The following DLG1 variants were observed in gnomAD, a reference collection of about 807,000 sequenced individuals.
DLG1 encodes disks large homolog 1.
Under a neutral mutation model 123.4 loss-of-function variants are expected in DLG1, and 42 were observed. The observed-to-expected ratio is 0.34, with a 90% CI of 0.27 to 0.44. The LOEUF (loss-of-function observed/expected upper bound fraction) is 0.44. Among genes scored for constraint, DLG1 ranks in the 20% least tolerant of loss-of-function variants. The probability of loss-of-function intolerance (pLI) is 1.00; values close to 1 mark genes in which losing one functional copy is unlikely to be tolerated. For synonymous variants in DLG1, 317 were observed against 356.2 expected (o/e 0.89, Z 1.24); for missense variants, 942 against 1,082.6 (o/e 0.87, Z 1.82).
upstream of DLG1, chr3:197,299,215 C>T: frequency 6.6e-6 from 1 of 152,356 alleles, no homozygotes; most frequent in Non-Finnish European, 1.5e-5. Context: ...CCCACGTCTT[C>T]GAACTTCCTC....
chr3:197,254,190 G>A (rs1327274760), intron 4 of DLG1, among the ~76,000 whole-genome samples: 1 of 152,184 alleles, frequency 6.6e-6, no homozygotes, highest in Non-Finnish European at 1.5e-5. Flanking sequence ...ACATTAGATC[G>A]CCTTCATGGG....
chr3:197,254,197 T>C (rs1413988023), intron 4 of DLG1, among the ~76,000 whole-genome samples: 1 of 152,246 alleles, frequency 6.6e-6, no homozygotes, highest in South Asian at 2.1e-4. Context: ...ATCGCCTTCA[T>C]GGGGCATTTA....
intron 9 of DLG1, 90 bp downstream of exon 9, chr3:197,138,132 T>G: frequency 1.4e-6 from 1 of 700,828 alleles, no homozygotes; most frequent in Non-Finnish European, 2.1e-6. Flanking sequence ...ACTAATACTG[T>G]ACTTGGAATG....
At chr3:197,149,626 T>C (rs1337737393) in intron 6 of DLG1, 117 bp downstream of exon 6, 7 of 756,172 alleles carry the variant, frequency 9.3e-6, no homozygotes, top group Admixed American at 6.1e-5. Context: ...TATATAGTGA[T>C]AGAACATCTT....
intron 10 of DLG1, among the ~76,000 whole-genome samples, chr3:197,132,498 CAG>C (rs1389887413): frequency 6.6e-6 from 1 of 152,194 alleles, no homozygotes; most frequent in Non-Finnish European, 1.5e-5. Context: ...CATTGCTTTG[CAG>C]AGTCTCAGCA....
intron 5 of DLG1, among the ~76,000 whole-genome samples, chr3:197,160,298 T>A (rs1411841595): frequency 6.6e-6 from 1 of 151,730 alleles, no homozygotes; most frequent in African/African-American, 2.4e-5. Flanking sequence ...TCTCAAAGGA[T>A]TCCAGAAAAC....
intron 4 of DLG1, among the ~76,000 whole-genome samples, chr3:197,255,176 TCCCC>T: frequency 6.6e-6 from 1 of 152,190 alleles, no homozygotes; most frequent in East Asian, 1.9e-4. Flanking sequence ...GTCACATGCC[TCCCC>T]CACACATCTC....
intron 13 of DLG1, among the ~76,000 whole-genome samples, chr3:197,108,244 T>C (rs138580431): frequency 6.6e-6 from 1 of 152,320 alleles, no homozygotes; most frequent in East Asian, 1.9e-4. Flanking sequence ...TCATATGGGA[T>C]ATTGGTTTGT....
At chr3:197,244,591 T>C (rs75934130) in intron 4 of DLG1, among the ~76,000 whole-genome samples, 6,411 of 152,084 alleles carry the variant, frequency 0.042, 184 homozygotes, top group Non-Finnish European at 0.056. Context: ...ATAAGAGGGT[T>C]AAGCTTTTTT....
At chr3:197,249,349 A>T in intron 4 of DLG1, among the ~76,000 whole-genome samples, 1 of 151,768 alleles carries the variant, frequency 6.6e-6, no homozygotes. Context: ...TTGAACCATG[A>T]AGAAAGAAAA....
chr3:197,170,744 C>T (rs141324884), intron 5 of DLG1, among the ~76,000 whole-genome samples: 15 of 152,230 alleles, frequency 9.9e-5, no homozygotes, highest in African/African-American at 3.4e-4. Context: ...TAATTAGATC[C>T]CACTTGTCAA....
intron 4 of DLG1, among the ~76,000 whole-genome samples, chr3:197,267,179 G>A (rs987142477): frequency 2.6e-5 from 4 of 152,122 alleles, no homozygotes; most frequent in African/African-American, 7.2e-5. Context: ...ATTCACTACA[G>A]TTTCTCCATG....
chr3:197,285,648 TA>T (rs1410389051), intron 3 of DLG1, among the ~76,000 whole-genome samples: 1 of 152,096 alleles, frequency 6.6e-6, no homozygotes, highest in Non-Finnish European at 1.5e-5. Context: ...AGTGAGCATA[TA>T]TCAAATATCA....
chr3:197,044,763 T>C (rs1436114230), intron 24 of DLG1, 34 bp from the exon 25 acceptor site: 3 of 1,339,582 alleles, frequency 2.2e-6, no homozygotes, highest in Admixed American at 4.4e-5. Context: ...GAAATCTCCA[T>C]TAATTGTCTA....
At chr3:197,165,972 T>C (rs1801194052) in intron 5 of DLG1, among the ~76,000 whole-genome samples, 1 of 152,190 alleles carries the variant, frequency 6.6e-6, no homozygotes, top group African/African-American at 2.4e-5. Flanking sequence ...GGAAAGTGCA[T>C]GTTGCTGAAG....
In DLG1 at chr3:197,190,799, A is replaced by G. The variant is rs1010540044; in HGVS notation, c.483+3626T>C. On this transcript the variant is annotated intron_variant, in intron 5 of 24. Coordinates refer to ENST00000667157, the MANE Select transcript of DLG1 (RefSeq NM_001366207.1). Reference sequence around the variant, plus strand: ...GCCGAGGCGGGCGGATCACGAGGTCAGGAGATCGAGACCATCCTGGCTAAC... The same window carrying G: ...GCCGAGGCGGGCGGATCACGAGGTCGGGAGATCGAGACCATCCTGGCTAAC... 2.6e-5 allele frequency among the ~76,000 whole-genome samples: 4 copies of G among 152,326 alleles called. No individual in the cohort carries two copies. The South Asian group carries it at 6.2e-4, about 24-fold the overall frequency.
chr3:197,247,321 G>A (rs1752215126), intron 4 of DLG1, among the ~76,000 whole-genome samples: 1 of 152,168 alleles, frequency 6.6e-6, no homozygotes, highest in South Asian at 2.1e-4. Flanking sequence ...ACATGGGGGA[G>A]GAACTGAGTG....
chr3:197,199,623 T>A (rs1724551960), intron 4 of DLG1, among the ~76,000 whole-genome samples: 1 of 152,114 alleles, frequency 6.6e-6, no homozygotes, highest in Non-Finnish European at 1.5e-5. Flanking sequence ...AAACCTTGGG[T>A]TCATTACAAT....
chr3:197,138,262 T>G lies in DLG1; in HGVS notation c.843A>C (p.Ser281=). ...RLYVKRRKPV[S]EKIMEIKLIK... ...TGAGCTTTATTTCCATTATTTTTTC[T>G]GACACTGGTTTCCTTCTTTTTACAT... Residue 281 remains serine (S), a synonymous_variant, in exon 9 of 25, where the codon TCA becomes TCC. Coordinates refer to ENST00000667157, the MANE Select transcript of DLG1 (RefSeq NM_001366207.1). 2.5e-6 allele frequency: 4 copies of G among 1,603,940 alleles called. No homozygotes were observed. The highest frequency in any genetic ancestry group is 3.4e-6 in the Non-Finnish European group (4 of 1,173,346).
Sources: gnomAD v4.1 joint callset for allele counts (sites outside exome capture counted in the v4.1 genomes callset) on GRCh38, gnomAD v4.1.1 for gene constraint, MANE v1.5 for transcripts, NCBI Gene and HGNC (gene_info 2026-07-23, HGNC 2026-07-21) for gene names.